SGCZ: variants seen among roughly 807,000 people sequenced by gnomAD.
SGCZ encodes zeta-sarcoglycan.
In SGCZ, 40 loss-of-function variants were observed where a neutral mutation model predicts 41.3. The ratio of observed to expected loss-of-function variants is 0.97; its 90% confidence interval spans 0.75 to 1.26. The LOEUF is 1.26. Ranked by LOEUF, SGCZ falls within the 50% of genes most tolerant of loss-of-function variation. The probability of loss-of-function intolerance (pLI) is 0.00; values close to 1 mark genes in which losing one functional copy is unlikely to be tolerated. For missense variants in SGCZ, 552 were observed against 369.8 expected, an observed-to-expected ratio of 1.49 and a Z score of -4.04; for synonymous variants, 206 against 137.5, an observed-to-expected ratio of 1.50 and a Z score of -3.49.
At chr8:14,174,950 G>A (rs1804498232) in intron 4 of SGCZ, among the ~76,000 whole-genome samples, 1 of 151,992 alleles carries the variant, frequency 6.6e-6, no homozygotes, top group African/African-American at 2.4e-5. Flanking sequence ...CCTGATTTTT[G>A]CAAGGACAGG....
chr8:15,024,441 C>A (rs1244873058), intron 1 of SGCZ, among the ~76,000 whole-genome samples: 1 of 152,060 alleles, frequency 6.6e-6, no homozygotes, highest in Admixed American at 6.6e-5. Context: ...TGAAATAAAT[C>A]ACTGAATAAG....
At chr8:14,425,984 AC>A (rs761287915) in intron 2 of SGCZ, among the ~76,000 whole-genome samples, 1 of 151,964 alleles carries the variant, frequency 6.6e-6, no homozygotes, top group Admixed American at 6.6e-5. Context: ...GCACTTATGT[AC>A]CTAAATATTA....
chr8:14,126,783 A>C (rs886679299), intron 5 of SGCZ, among the ~76,000 whole-genome samples: 5 of 152,214 alleles, frequency 3.3e-5, no homozygotes, highest in Non-Finnish European at 7.3e-5. Context: ...GTGCATATAC[A>C]CCACGGAATA....
chr8:14,561,137 C>T (rs997921584), intron 1 of SGCZ, among the ~76,000 whole-genome samples: 1 of 152,076 alleles, frequency 6.6e-6, no homozygotes, highest in Admixed American at 6.6e-5. Context: ...AGAATAAAAA[C>T]ATATAATTCT....
chr8:14,851,381 A>G (rs1585318117), intron 1 of SGCZ, among the ~76,000 whole-genome samples: 1 of 142,972 alleles, frequency 7.0e-6, no homozygotes, highest in East Asian at 2.0e-4. Flanking sequence ...AAAAAAAAAA[A>G]AAAAAAAAAG....
intron 4 of SGCZ, among the ~76,000 whole-genome samples, chr8:14,231,199 T>TGTGTGTGTGTGTGTGTGTGGG (rs1563200021): frequency 1.2e-4 from 5 of 41,278 alleles, no homozygotes; most frequent in African/African-American, 1.9e-4. Context: ...GTGTGTGTAG[T>TGTGTGTGTGTGTGTGTGTGGG]GGGGAGAGAG....
At chr8:14,504,863 C>T (rs1011670117) in intron 2 of SGCZ, among the ~76,000 whole-genome samples, 2 of 152,108 alleles carry the variant, frequency 1.3e-5, no homozygotes, top group Non-Finnish European at 2.9e-5. Context: ...CAATATTTCA[C>T]TTTCCTCTTT....
At chr8:14,100,207 GT>G (rs1801970874) in intron 7 of SGCZ, among the ~76,000 whole-genome samples, 1 of 151,716 alleles carries the variant, frequency 6.6e-6, no homozygotes, top group South Asian at 2.1e-4. Context: ...ATGAAAACCT[GT>G]GGCTATGATT....
chr8:15,118,904 A>C (rs1807375016), intron 1 of SGCZ, among the ~76,000 whole-genome samples: 1 of 152,224 alleles, frequency 6.6e-6, no homozygotes. Context: ...GACACGTTCC[A>C]GATGAAATCA....
intron 1 of SGCZ, among the ~76,000 whole-genome samples, chr8:14,869,388 C>T (rs188886662): frequency 1.3e-5 from 2 of 152,202 alleles, no homozygotes; most frequent in East Asian, 1.9e-4. Context: ...AAATTCAACA[C>T]CGCTTCATGC....
intron 1 of SGCZ, among the ~76,000 whole-genome samples, chr8:14,803,107 G>A (rs1052123402): frequency 3.9e-5 from 6 of 152,130 alleles, no homozygotes; most frequent in Non-Finnish European, 7.3e-5. Context: ...GGCAGTCACT[G>A]ACCATGACAT....
At chr8:14,738,619 A>G (rs1300911769) in intron 1 of SGCZ, among the ~76,000 whole-genome samples, 1 of 152,078 alleles carries the variant, frequency 6.6e-6, no homozygotes, top group Non-Finnish European at 1.5e-5. Context: ...TATGGTTAGC[A>G]GCAGTTTACA....
intron 3 of SGCZ, among the ~76,000 whole-genome samples, chr8:14,290,011 C>T (rs1054362198): frequency 6.6e-6 from 1 of 151,792 alleles, no homozygotes; most frequent in Non-Finnish European, 1.5e-5. Context: ...GTGAGAACTC[C>T]AGCATTATCA....
intron 4 of SGCZ, among the ~76,000 whole-genome samples, chr8:14,172,049 G>C (rs1585199550): frequency 6.6e-6 from 1 of 152,084 alleles, no homozygotes; most frequent in African/African-American, 2.4e-5. Context: ...AGTATTATTT[G>C]TGGTTCCCAA....
chr8:14,951,586 A>G (rs73517388), intron 1 of SGCZ, among the ~76,000 whole-genome samples: 16,463 of 152,030 alleles, frequency 0.11, 1,075 homozygotes, highest in African/African-American at 0.17. Context: ...AATGTAGAAA[A>G]CATCACAGCT....
chr8:14,164,439 G>A, intron 5 of SGCZ, 141 bp downstream of exon 5: 3 of 966,598 alleles, frequency 3.1e-6, no homozygotes, highest in Non-Finnish European at 4.5e-6. Flanking sequence ...TCCATTTGAA[G>A]GCTACTTGAA....
intron 2 of SGCZ, among the ~76,000 whole-genome samples, chr8:14,386,182 G>A (rs984771632): frequency 6.6e-6 from 1 of 151,942 alleles, no homozygotes; most frequent in Non-Finnish European, 1.5e-5. Flanking sequence ...AGTGAAGGGA[G>A]AACATGGAGT....
intron 1 of SGCZ, among the ~76,000 whole-genome samples, chr8:14,996,277 A>G (rs1802215127): frequency 1.3e-5 from 2 of 152,202 alleles, no homozygotes; most frequent in Admixed American, 6.5e-5. Flanking sequence ...TCTGAACCGC[A>G]TGAAACCATT....
intron 1 of SGCZ, chr8:14,879,392 C>G (rs909199622): frequency 6.6e-6 from 1 of 151,800 alleles, no homozygotes; most frequent in Non-Finnish European, 1.5e-5. Flanking sequence ...CAAAAGAAAA[C>G]TAATCATAGA....
Sources: allele counts gnomAD v4.1 joint callset (sites outside exome capture counted in the v4.1 genomes callset), GRCh38; gene constraint gnomAD v4.1.1; transcripts MANE v1.5; gene names NCBI Gene and HGNC (gene_info 2026-07-23, HGNC 2026-07-21).